The following C2CD2 variants were observed in gnomAD, a reference collection of about 807,000 sequenced individuals.
C2CD2 encodes C2 domain-containing protein 2.
In C2CD2, 43 loss-of-function variants were observed where a neutral mutation model predicts 74.3. The observed-to-expected ratio is 0.58, with a 90% confidence interval of 0.45 to 0.75. The LOEUF is 0.75. C2CD2 is among the 30% of genes least tolerant of loss of function. C2CD2 has a pLI of 0.00. For missense variants in C2CD2, 801 were observed against 916.3 expected, an observed-to-expected ratio of 0.87 and a Z score of 1.63; for synonymous variants, 422 against 390.7, an observed-to-expected ratio of 1.08 and a Z score of -0.94.
intron 5 of C2CD2, 72 bp from the exon 6 acceptor site, chr21:41,914,793 C>G (rs2065069863): frequency 1.5e-6 from 2 of 1,364,044 alleles, no homozygotes; most frequent in Non-Finnish European, 2.0e-6. Flanking sequence ...AGCCACTGGA[C>G]TCCTGTTATG....
chr21:41,887,082 T>C lies in C2CD2; in HGVS notation c.*2042A>G, dbSNP rs938451912. 1.3e-5 allele frequency: 2 copies of C among 152,226 alleles called. No individual in the cohort carries two copies. Among genetic ancestry groups the C allele is most frequent in the African/African-American group, 4.8e-5 (2 of 41,458 alleles). The allele number at this position is 152,226 out of a possible 1,614,324, so 9.4% of individuals were successfully genotyped here. On this transcript the variant is annotated 3_prime_UTR_variant, in exon 14 of 14. Transcript: ENST00000380486. ...AGAACAATTAAAAACTTCTCATCAG[T>C]GTCTGAAATTCTGACACATAATATC...
chr21:41,947,153 C>CCTCCCTCCCTCT (rs2065407303), intron 1 of C2CD2, among the ~76,000 whole-genome samples: 2 of 21,622 alleles, frequency 9.2e-5, no homozygotes, highest in Non-Finnish European at 2.1e-4. Flanking sequence ...TCCCTCCCTC[C>CCTCCCTCCCTCT]CTCCCTCTCT....
At chr21:41,928,543 G>GAAAAA (rs2065235237) in intron 2 of C2CD2, among the ~76,000 whole-genome samples, 4 of 17,690 alleles carry the variant, frequency 2.3e-4, no homozygotes, top group Admixed American at 1.4e-3. Flanking sequence ...GTAAAGCAAA[G>GAAAAA]CAAAAAAAAA....
At chr21:41,934,420 C>A (rs1048448867) in intron 2 of C2CD2, among the ~76,000 whole-genome samples, 2 of 152,098 alleles carry the variant, frequency 1.3e-5, no homozygotes, top group Non-Finnish European at 1.5e-5. Context: ...CAGAGTGAAA[C>A]CCTGTCTCAA....
In C2CD2 at chr21:41,888,949, A is replaced by T. The variant is rs1024652884; in HGVS notation, c.*175T>A. On this transcript the variant is annotated 3_prime_UTR_variant, in exon 14 of 14. Transcript: ENST00000380486. The stretch of plus-strand genomic sequence containing the variant: ...GGGCTTTTTTGTCCTCTCTGGGAGA[A>T]GCCTCCTGGCTGGAGACTCAGATTT... The T allele has an allele frequency of 1.6e-6, 1 of 616,578 alleles. No homozygotes were observed. Among genetic ancestry groups the T allele is most frequent in the Admixed American group, 2.8e-5 (1 of 35,178 alleles). The allele number at this position is 616,578 out of a possible 1,614,324, so 38.2% of individuals were successfully genotyped here.
At chr21:41,928,154 C>G (rs1470854342) in intron 2 of C2CD2, among the ~76,000 whole-genome samples, 1 of 152,252 alleles carries the variant, frequency 6.6e-6, no homozygotes, top group Non-Finnish European at 1.5e-5. Flanking sequence ...CTTCTCCAGG[C>G]TGGCAGCTAG....
intron 1 of C2CD2, among the ~76,000 whole-genome samples, chr21:41,946,181 A>C (rs1216259815): frequency 6.6e-6 from 1 of 152,224 alleles, no homozygotes; most frequent in African/African-American, 2.4e-5. Context: ...TGGTTGCGAA[A>C]TCAGTGAGGA....
At chr21:41,933,708 G>A (rs951322443) in intron 2 of C2CD2, among the ~76,000 whole-genome samples, 3 of 152,210 alleles carry the variant, frequency 2.0e-5, no homozygotes, top group Non-Finnish European at 4.4e-5. Context: ...CTCCTTGTGG[G>A]TATGCATAGG....
rs1460105816 is a variant in C2CD2 at position 41,887,844 on chromosome 21, A to G, written c.*1280T>C. The stretch of plus-strand genomic sequence containing the variant: ...AAAAGTGAATCATATTAAACTGTCA[A>G]GAACACTTCACCCCAATGATGACTG... On this transcript the variant is annotated 3_prime_UTR_variant, in exon 14 of 14. Transcript: ENST00000380486. The G allele has an allele frequency of 6.6e-6, 1 of 152,250 alleles. No homozygotes were observed. The highest frequency in any genetic ancestry group is 1.9e-4 in the East Asian group (1 of 5,204). The allele number at this position is 152,250 out of a possible 1,614,324, so 9.4% of individuals were successfully genotyped here.
At chr21:41,906,281 C>G (rs901818206) in intron 10 of C2CD2, among the ~76,000 whole-genome samples, 1 of 152,246 alleles carries the variant, frequency 6.6e-6, no homozygotes, top group African/African-American at 2.4e-5. Flanking sequence ...AGAAGAAAGT[C>G]TACAAGGACC....
In C2CD2 at chr21:41,899,116, C is replaced by T. The variant is rs774937358; in HGVS notation, c.1807G>A (p.Gly603Ser). 15 of 1,613,874 alleles carry T rather than the reference C, an allele frequency of 9.3e-6. No individual in the cohort carries two copies. The highest frequency in any genetic ancestry group is 2.2e-5 in the South Asian group (2 of 91,086). Residue 603 changes from glycine (G) to serine (S), a missense_variant, in exon 13 of 14, where the codon GGT (glycine) becomes AGT (serine). Coordinates refer to ENST00000380486, the MANE Select transcript of C2CD2 (RefSeq NM_015500.2). The surrounding 1 kb of genome is among the most constrained non-coding windows in gnomAD (Gnocchi z 4.4). ...ATGGAGCTCTCTGACAGCTCATCAC[C>T]GTCGGGGTCCAGCAGGACCTGGCTG... Reference protein sequence around the residue: ...WSSQVLLDPDGDELSESSMSV... With the variant: ...WSSQVLLDPDSDELSESSMSV...
intron 13 of C2CD2, among the ~76,000 whole-genome samples, chr21:41,890,350 A>C (rs959045321): frequency 1.3e-5 from 2 of 152,242 alleles, no homozygotes; most frequent in Non-Finnish European, 2.9e-5. Context: ...GATATCCATC[A>C]GGTAGTAGAA....
At chr21:41,934,077 T>C (rs1401693756) in intron 2 of C2CD2, among the ~76,000 whole-genome samples, 1 of 152,182 alleles carries the variant, frequency 6.6e-6, no homozygotes, top group Non-Finnish European at 1.5e-5. Context: ...TTTTTATTTT[T>C]AACTTTTTAA....
In C2CD2 at chr21:41,886,283, C is replaced by T. The variant is rs1164200520; in HGVS notation, c.*2841G>A. The T allele has an allele frequency of 1.3e-5, 2 of 152,132 alleles. No individual in the cohort carries two copies. The highest frequency in any genetic ancestry group is 4.8e-5 in the African/African-American group (2 of 41,416). 9.4% of individuals were successfully genotyped at this position (152,132 alleles called of 1,614,324 possible). A position where few individuals can be genotyped will look rare whatever the true frequency, so the allele number is the denominator to read the frequency against. On this transcript the variant is annotated 3_prime_UTR_variant, in exon 14 of 14. Coordinates refer to ENST00000380486, the MANE Select transcript of C2CD2 (RefSeq NM_015500.2). ...ACAAAAGCTTGTAGAAGAGGTGAGG[C>T]GATAAAGGTGATTTACACATCAGTA...
At chr21:41,918,786 C>A (rs1033488294) in intron 4 of C2CD2, 70 bp downstream of exon 4, 6 of 1,182,576 alleles carry the variant, frequency 5.1e-6, no homozygotes, top group South Asian at 1.2e-5. Flanking sequence ...CTCAGTTCCC[C>A]ACCGCAGACT....
intron 6 of C2CD2, among the ~76,000 whole-genome samples, chr21:41,914,092 G>A (rs186772402): frequency 2.6e-5 from 4 of 152,188 alleles, no homozygotes; most frequent in African/African-American, 9.6e-5. Flanking sequence ...CAGGCGTGGT[G>A]GTGCACGCCT....
rs140227500 is a variant in C2CD2 at position 41,929,335 on chromosome 21, T to C, written c.379-7250A>G. On this transcript the variant is annotated intron_variant, in intron 2 of 13. Coordinates refer to ENST00000380486, the MANE Select transcript of C2CD2 (RefSeq NM_015500.2). The surrounding 1 kb of genome is among the most constrained non-coding windows in gnomAD (Gnocchi z 4.6). Reference sequence around the variant, plus strand: ...CATGGTGAGCTCTCATGAGAAGGGATACAAGCTCTATACCCAGGGCCTGGG... The same window carrying C: ...CATGGTGAGCTCTCATGAGAAGGGACACAAGCTCTATACCCAGGGCCTGGG... Among the ~76,000 whole-genome samples the C allele has an allele frequency of 6.6e-6, 1 of 152,272 alleles. No individual in the cohort carries two copies. Among genetic ancestry groups the C allele is most frequent in the African/African-American group, 2.4e-5 (1 of 41,552 alleles).
chr21:41,953,545 TG>T lies in C2CD2; in HGVS notation c.103del (p.Gln35SerfsTer34). 1 of 1,480,210 alleles carries T rather than the reference TG, an allele frequency of 6.8e-7. No individual in the cohort carries two copies. Among genetic ancestry groups the T allele is most frequent in the Non-Finnish European group, 8.9e-7 (1 of 1,121,898 alleles). 91.7% of individuals were successfully genotyped at this position (1,480,210 alleles called of 1,614,324 possible). A position where few individuals can be genotyped will look rare whatever the true frequency, so the allele number is the denominator to read the frequency against. On this transcript the variant is annotated frameshift_variant, in exon 1 of 14. Transcript: ENST00000380486. LOFTEE classifies it high-confidence loss of function. Reference sequence around the variant, plus strand: ...GGGTCGCGCCCTGGCCAGCGCCCACTGCGCCAGGTACAGGCCTACCGTGGCC... The same window carrying T: ...GGGTCGCGCCCTGGCCAGCGCCCACTCGCCAGGTACAGGCCTACCGTGGCC... ...ALATVGLYLA[Q>X]WALARARPQP...
At chr21:41,901,126 G>A (rs940945330) in intron 12 of C2CD2, 11 of 196,998 alleles carry the variant, frequency 5.6e-5, no homozygotes, top group Admixed American at 3.7e-4. Context: ...TGCTCTGAGC[G>A]GACGTCCCAG....
Sources: gnomAD v4.1 joint callset for allele counts (sites outside exome capture counted in the v4.1 genomes callset) on GRCh38, gnomAD v4.1.1 for gene constraint, Gnocchi (gnomAD v3.1) non-coding constraint, MANE v1.5 for transcripts, NCBI Gene and HGNC (gene_info 2026-07-23, HGNC 2026-07-21) for gene names.